Variants in TMEM74 observed in about 807,000 individuals in gnomAD.
TMEM74 encodes transmembrane protein 74.
In TMEM74, 13 loss-of-function variants were observed where a neutral mutation model predicts 18.1. That is an observed-to-expected ratio of 0.72 (90% confidence interval 0.47 to 1.14). The LOEUF (loss-of-function observed/expected upper bound fraction) is 1.14. TMEM74 is among the 50% of genes most tolerant of loss of function. The pLI, the probability that TMEM74 is intolerant of heterozygous loss-of-function variation, is 0.00. For synonymous variants in TMEM74, 159 were observed against 146.6 expected (o/e 1.08, Z -0.61); for missense variants, 372 against 375.9 (o/e 0.99, Z 0.09).
chr8:108,637,449 G>C (rs752641423), intron 2 of TMEM74, among the ~76,000 whole-genome samples: 1 of 152,030 alleles, frequency 6.6e-6, no homozygotes, highest in East Asian at 1.9e-4. Flanking sequence ...TCTTGAGATG[G>C]GGAGATTATC....
rs1266863056 is a variant in TMEM74, at chr8:108,748,420, T to A, written n.119+39056A>T. On this transcript the variant is annotated intron_variant and non_coding_transcript_variant, in intron 1 of 3. Coordinates refer to the TMEM74 transcript ENST00000518838. ...CACTTTTAAATGGGGTTGTTGTTTT[T>A]TTTTCTTGTAAATTTGTTTACATTC... 2.6e-5 allele frequency among the ~76,000 whole-genome samples: 4 copies of A among 152,286 alleles called. No individual in the cohort carries two copies. In the East Asian group the frequency reaches 5.8e-4, roughly 22 times the overall value.
chr8:108,748,030 G>A (rs765206101), intron 1 of TMEM74, among the ~76,000 whole-genome samples: 1 of 152,088 alleles, frequency 6.6e-6, no homozygotes, highest in Non-Finnish European at 1.5e-5. Flanking sequence ...ACATATGCAT[G>A]CATCTGTCTT....
chr8:108,677,334 C>G (rs986767224), intron 1 of TMEM74, among the ~76,000 whole-genome samples: 1 of 152,034 alleles, frequency 6.6e-6, no homozygotes, highest in East Asian at 1.9e-4. Context: ...ATACTGACTA[C>G]AAACATAAAA....
chr8:108,611,443 C>G (rs1267132040), intron 2 of TMEM74, among the ~76,000 whole-genome samples: 2 of 152,158 alleles, frequency 1.3e-5, no homozygotes, highest in Non-Finnish European at 2.9e-5. Context: ...TTATTCATCA[C>G]AAGTAAATTA....
chr8:108,680,679 G>A (rs1249292777), intron 1 of TMEM74, among the ~76,000 whole-genome samples: 1 of 152,176 alleles, frequency 6.6e-6, no homozygotes, highest in African/African-American at 2.4e-5. Flanking sequence ...AATTAGGCGG[G>A]AGAAGGAAAT....
chr8:108,765,209 G>C (rs1814090552), intron 1 of TMEM74, among the ~76,000 whole-genome samples: 1 of 152,070 alleles, frequency 6.6e-6, no homozygotes. Flanking sequence ...TCAGAATTTA[G>C]ACAATTCTGA....
chr8:108,622,335 C>T (rs1283829053), intron 2 of TMEM74, among the ~76,000 whole-genome samples: 2 of 152,182 alleles, frequency 1.3e-5, no homozygotes, highest in Admixed American at 6.6e-5. Flanking sequence ...CTCAGTTCCT[C>T]AGATGAAGAG....
chr8:108,621,714 C>T (rs1293864532), intron 2 of TMEM74, among the ~76,000 whole-genome samples: 1 of 152,120 alleles, frequency 6.6e-6, no homozygotes. Flanking sequence ...CTGGAGGTAG[C>T]TCTGCATTCA....
chr8:108,608,172 C>A (rs1263825823), intron 3 of TMEM74, among the ~76,000 whole-genome samples: 1 of 151,590 alleles, frequency 6.6e-6, no homozygotes, highest in Non-Finnish European at 1.5e-5. Context: ...CATGGTGGTG[C>A]GTGCCTGTAG....
Position 108,650,612 on chromosome 8 carries a change from T to C in TMEM74, n.264+4681A>G, listed in dbSNP as rs1000221137. Among the ~76,000 whole-genome samples, 7 of 152,342 alleles carry C rather than the reference T, an allele frequency of 4.6e-5. No homozygotes were observed. The East Asian group carries it at 9.7e-4, about 21-fold the overall frequency. ...CTTTGAATTTGTTCTTCCCTTTGCC[T>C]GGAACAGTCTTCTCCATGAAATTTG... On this transcript the variant is annotated intron_variant and non_coding_transcript_variant, in intron 2 of 3. Coordinates refer to the TMEM74 transcript ENST00000518838.
intron 2 of TMEM74, among the ~76,000 whole-genome samples, chr8:108,642,587 T>C (rs1812676614): frequency 6.6e-6 from 1 of 152,100 alleles, no homozygotes; most frequent in African/African-American, 2.4e-5. Context: ...TTCAACAAAT[T>C]TGTGTAATAG....
intron 1 of TMEM74, among the ~76,000 whole-genome samples, chr8:108,678,549 T>G (rs1040719158): frequency 1.3e-5 from 2 of 150,768 alleles, no homozygotes; most frequent in African/African-American, 4.9e-5. Context: ...TTTTTTGTAT[T>G]TTTAGTAGAG....
chr8:108,633,506 T>G (rs1245095106), intron 2 of TMEM74, among the ~76,000 whole-genome samples: 1 of 152,054 alleles, frequency 6.6e-6, no homozygotes, highest in African/African-American at 2.4e-5. Context: ...GTATTCCTTA[T>G]GAGAATCCAC....
chr8:108,652,906 G>T, intron 2 of TMEM74: 1 of 442,976 alleles, frequency 2.3e-6, no homozygotes, highest in Non-Finnish European at 4.4e-6. Context: ...AGTAGACAGT[G>T]CCCTGTGTGA....
rs1813876636 is a variant in TMEM74 at position 108,748,754 on chromosome 8, CT to C, written n.119+38721del. Among the ~76,000 whole-genome samples, 10 of 149,216 alleles carry C rather than the reference CT, an allele frequency of 6.7e-5. No homozygotes were observed. In the South Asian group the frequency reaches 2.1e-3, roughly 31 times the overall value. ...TTTTACGTTTAAGTCTTTAATCCAT[CT>C]TGAGTTGATTTTTGTATATGGTATA... On this transcript the variant is annotated intron_variant and non_coding_transcript_variant, in intron 1 of 3. Transcript: ENST00000518838.
rs910921956 is a variant in TMEM74 at position 108,782,844 on chromosome 8, G to T, written c.*1337C>A. Among the ~76,000 whole-genome samples the T allele has an allele frequency of 7.9e-5, 12 of 152,206 alleles. No homozygotes were observed. The highest frequency in any genetic ancestry group is 1.2e-4 in the Non-Finnish European group (8 of 68,036). ...AAACCTCCAGGCAGAGTTGCAAAAT[G>T]TAAGGTATTTCTGAGGCTGCATTTC... On this transcript the variant is annotated 3_prime_UTR_variant, in exon 2 of 2. Coordinates refer to ENST00000297459, the MANE Select transcript of TMEM74 (RefSeq NM_153015.3).
chr8:108,707,811 G>A (rs539695876), intron 1 of TMEM74, among the ~76,000 whole-genome samples: 127 of 152,252 alleles, frequency 8.3e-4, no homozygotes, highest in Non-Finnish European at 1.4e-3. Context: ...GACACCAAAA[G>A]CACAGGCTGT....
chr8:108,691,447 T>C (rs1284098692), intron 1 of TMEM74, among the ~76,000 whole-genome samples: 1 of 152,166 alleles, frequency 6.6e-6, no homozygotes, highest in Non-Finnish European at 1.5e-5. Context: ...TGTTCAGCAT[T>C]CCCATAGAGT....
At chr8:108,741,455 A>G (rs1031614370) in intron 1 of TMEM74, among the ~76,000 whole-genome samples, 12 of 152,224 alleles carry the variant, frequency 7.9e-5, no homozygotes, top group Non-Finnish European at 1.5e-5. Context: ...ATCATCAAGT[A>G]AGAAGCTATA....
Sources: allele counts gnomAD v4.1 joint callset (sites outside exome capture counted in the v4.1 genomes callset), GRCh38; gene constraint gnomAD v4.1.1; transcripts MANE v1.5; gene names NCBI Gene and HGNC (gene_info 2026-07-23, HGNC 2026-07-21).